Variants in CELSR1 observed in about 807,000 individuals in gnomAD.
CELSR1 encodes adhesion G protein-coupled receptor C1.
A neutral mutation model predicts 249.1 loss-of-function variants in CELSR1; 110 were observed. That is an observed-to-expected ratio of 0.44 (90% confidence interval 0.38 to 0.52). The LOEUF (loss-of-function observed/expected upper bound fraction) is 0.52, where lower values mean the gene tolerates loss of function less well. Ranked by LOEUF, CELSR1 falls within the 20% of genes least tolerant of loss-of-function variation. The pLI, the probability that CELSR1 is intolerant of heterozygous loss-of-function variation, is 0.00. For synonymous variants in CELSR1, 2,113 were observed against 1,900.0 expected (o/e 1.11, Z -2.92); for missense variants, 4,109 against 4,296.4 (o/e 0.96, Z 1.22).
rs12159573 is a variant in CELSR1 at position 46,445,972 on chromosome 22, G to T, written c.4184-6561C>A. Among the ~76,000 whole-genome samples the T allele has an allele frequency of 4.6e-5, 7 of 151,938 alleles. No individual in the cohort carries two copies. The highest frequency in any genetic ancestry group is 1.5e-4 in the African/African-American group (6 of 41,322). On this transcript the variant is annotated intron_variant, in intron 2 of 34. Coordinates refer to ENST00000674500, the MANE Select transcript of CELSR1 (RefSeq NM_001378328.1). The surrounding 1 kb of genome is among the most constrained non-coding windows in gnomAD (Gnocchi z 4.4). ...TCGCCTCGCGGCCCCTGCTCCTGCCGCACAGCCTCCAGACCTACTTGTCCC... is the reference window on the plus strand; with the variant it reads ...TCGCCTCGCGGCCCCTGCTCCTGCCTCACAGCCTCCAGACCTACTTGTCCC...
Position 46,398,156 on chromosome 22 carries a change from C to T in CELSR1, c.5527-308G>A, listed in dbSNP as rs2079171561. Among the ~76,000 whole-genome samples the T allele has an allele frequency of 6.6e-6, 1 of 152,004 alleles. No homozygotes were observed. The highest frequency in any genetic ancestry group is 6.6e-5 in the Admixed American group (1 of 15,264). On this transcript the variant is annotated intron_variant, in intron 11 of 34. Coordinates refer to ENST00000674500, the MANE Select transcript of CELSR1 (RefSeq NM_001378328.1). The surrounding 1 kb of genome is among the most constrained non-coding windows in gnomAD (Gnocchi z 7.2). ...GAACGACTCAGAGCAGCTCCCTCGG[C>T]CGTAGCTGGAACCCCTGGCTCCAGG...
At position 46,464,459 on chromosome 22, in the gene CELSR1, G is replaced by T; in HGVS notation, c.3545-114C>A. 9.2e-7 allele frequency: 1 copy of T among 1,092,734 alleles called. No individual in the cohort carries two copies. Among genetic ancestry groups the T allele is most frequent in the Non-Finnish European group, 1.3e-6 (1 of 771,476 alleles). The allele number at this position is 1,092,734 out of a possible 1,614,324, so 67.7% of individuals were successfully genotyped here. On this transcript the variant is annotated intron_variant, in intron 1 of 34. Coordinates refer to ENST00000674500, the MANE Select transcript of CELSR1 (RefSeq NM_001378328.1). This position sits in a 1 kb window ranked among gnomAD's most constrained non-coding sequence, Gnocchi z 8.5. ...CTTGGCAAAGGAGAAGAGAGCCTGG[G>T]CATCCCCACTCCCCATTCCCCACCC...
intron 12 of CELSR1, among the ~76,000 whole-genome samples, chr22:46,397,227 C>T (rs1488114739): frequency 2.0e-5 from 3 of 151,810 alleles, no homozygotes; most frequent in Non-Finnish European, 1.5e-5. Flanking sequence ...CCTCAGCCTC[C>T]CACGTAGCTA....
chr22:46,481,107 T>C (rs2080261273), intron 1 of CELSR1, among the ~76,000 whole-genome samples: 1 of 152,192 alleles, frequency 6.6e-6, no homozygotes, highest in East Asian at 1.9e-4. Context: ...TGGTGGTGCA[T>C]GCCTGTAGTC....
chr22:46,523,345 G>A (rs2080704366), intron 1 of CELSR1, among the ~76,000 whole-genome samples: 1 of 151,918 alleles, frequency 6.6e-6, no homozygotes, highest in Admixed American at 6.6e-5. Flanking sequence ...CCTGGCCAAA[G>A]TGGTGAAACC....
rs1050550263 is a variant in CELSR1, at chr22:46,526,010, T to G, written c.3544+7617A>C. 6.6e-6 allele frequency among the ~76,000 whole-genome samples: 1 copy of G among 152,232 alleles called. No homozygotes were observed. The highest frequency in any genetic ancestry group is 2.4e-5 in the African/African-American group (1 of 41,466). ...CTGCCTGCTACTTCACCTAGACTTT[T>G]AAAAATGGTCTCTCAACACCCTGGT... On this transcript the variant is annotated intron_variant, in intron 1 of 34. Transcript: ENST00000674500. The surrounding 1 kb of genome is among the most constrained non-coding windows in gnomAD (Gnocchi z 4.7).
rs1327367101 is a variant in CELSR1 at position 46,527,977 on chromosome 22, C to T, written c.3544+5650G>A. On this transcript the variant is annotated intron_variant, in intron 1 of 34. Transcript: ENST00000674500. This position sits in a 1 kb window ranked among gnomAD's most constrained non-coding sequence, Gnocchi z 5.5. ...AGGCATGATGGCGGGTACCTATAAT[C>T]CCAGCTACTTGGGAAGCTGAGGCAG... 2.6e-5 allele frequency among the ~76,000 whole-genome samples: 4 copies of T among 152,004 alleles called. No individual in the cohort carries two copies. Among genetic ancestry groups the T allele is most frequent in the Non-Finnish European group, 5.9e-5 (4 of 68,002 alleles).
intron 1 of CELSR1, among the ~76,000 whole-genome samples, chr22:46,507,731 C>A (rs1045061157): frequency 1.3e-5 from 2 of 152,124 alleles, no homozygotes; most frequent in African/African-American, 4.8e-5. Flanking sequence ...CGAAGCCCCG[C>A]CCCTAGAGTA....
chr22:46,391,179 G>T lies in CELSR1; in HGVS notation c.6250+7C>A. The T allele has an allele frequency of 1.2e-6, 2 of 1,609,716 alleles. No individual in the cohort carries two copies. The highest frequency in any genetic ancestry group is 2.2e-5 in the South Asian group (2 of 90,878). The stretch of plus-strand genomic sequence containing the variant: ...CAGTTCCCTACACACAGGCCACGGC[G>T]ACTCACCAACGGATCCCTTAGGGCA... On this transcript the variant is annotated splice_region_variant and intron_variant, in intron 16 of 34. Transcript: ENST00000674500. This position sits in a 1 kb window ranked among gnomAD's most constrained non-coding sequence, Gnocchi z 4.3.
intron 5 of CELSR1, among the ~76,000 whole-genome samples, chr22:46,421,011 G>C (rs554611823): frequency 1.2e-4 from 18 of 152,276 alleles, no homozygotes; most frequent in African/African-American, 3.1e-4. Context: ...AGAGATGCTG[G>C]GTCCATGGCT....
rs1200603998 is a variant in CELSR1, at chr22:46,365,256, C to T, written c.8529G>A (p.Arg2843=). The change falls in exon 32 of 35, where the codon AGG becomes AGA. Residue 2843 remains arginine (R), a synonymous_variant. Transcript: ENST00000674500. The part of the protein sequence containing the change: ...VGAEEKWDPA[R]GAVHSTPKGD... ...CTTTGGGGGTGCTGTGGACGGCGCC[C>T]CTGGCCGGGTCCCATTTTTCCTCAG... is the stretch of plus-strand genomic sequence containing the variant. 1.2e-6 allele frequency: 2 copies of T among 1,612,434 alleles called. No individual in the cohort carries two copies. Among genetic ancestry groups the T allele is most frequent in the East Asian group, 2.2e-5 (1 of 44,884 alleles).
intron 2 of CELSR1, among the ~76,000 whole-genome samples, chr22:46,452,124 C>T (rs6008835): frequency 0.048 from 7,300 of 152,188 alleles, 576 homozygotes; most frequent in African/African-American, 0.16. Context: ...TTATTTTCAG[C>T]GCCCCGGTTT....
chr22:46,481,926 C>A (rs2080270550), intron 1 of CELSR1, among the ~76,000 whole-genome samples: 1 of 152,098 alleles, frequency 6.6e-6, no homozygotes, highest in Non-Finnish European at 1.5e-5. Flanking sequence ...GCATGTGCCA[C>A]CAAGCCTGGC....
At position 46,389,362 on chromosome 22, in the gene CELSR1, G is replaced by T; in HGVS notation, c.6483C>A (p.Gly2161=). 6.2e-7 allele frequency: 1 copy of T among 1,610,958 alleles called. No homozygotes were observed. Reference sequence around the variant, plus strand: ...GCCAGCTCTCGTGCTGAAGGACGTGGCCCAGCAGCTGGTAGGCCGTGCGCA... The same window carrying T: ...GCCAGCTCTCGTGCTGAAGGACGTGTCCCAGCAGCTGGTAGGCCGTGCGCA... ...NDVRTAYQLL[G]HVLQHESWQQ... Residue 2161 remains glycine, a synonymous_variant, in exon 18 of 35, where the codon GGC becomes GGA. Transcript: ENST00000674500.
rs901937352 is a variant in CELSR1, at chr22:46,448,862, C to T, written c.4184-9451G>A. Among the ~76,000 whole-genome samples, 2 of 152,142 alleles carry T rather than the reference C, an allele frequency of 1.3e-5. No homozygotes were observed. Among genetic ancestry groups the T allele is most frequent in the African/African-American group, 4.8e-5 (2 of 41,416 alleles). On this transcript the variant is annotated intron_variant, in intron 2 of 34. Transcript: ENST00000674500. This position sits in a 1 kb window ranked among gnomAD's most constrained non-coding sequence, Gnocchi z 5.7. ...CAGTCTTGAAGACACAACCCAACAG[C>T]GTGGCTCATGTGTCAGAAACTTCAC...
chr22:46,422,360 G>C (rs561314133), intron 5 of CELSR1, among the ~76,000 whole-genome samples: 2 of 151,852 alleles, frequency 1.3e-5, no homozygotes, highest in African/African-American at 4.8e-5. Context: ...TGCCTGCCTC[G>C]GCCTCCCAAA....
chr22:46,398,196 C>A lies in CELSR1; in HGVS notation c.5526+328G>T, dbSNP rs549680716. ...CTGGCTCCAGGGGACAGGCACGGGGCCCACTTGGGTGACGTCTGTGGTTGG... is the reference window on the plus strand; with the variant it reads ...CTGGCTCCAGGGGACAGGCACGGGGACCACTTGGGTGACGTCTGTGGTTGG... On this transcript the variant is annotated intron_variant, in intron 11 of 34. Transcript: ENST00000674500. This position sits in a 1 kb window ranked among gnomAD's most constrained non-coding sequence, Gnocchi z 7.2. Among the ~76,000 whole-genome samples the A allele has an allele frequency of 6.9e-4, 105 of 152,182 alleles. 1 individual carries two copies. In the South Asian group the frequency reaches 0.02, roughly 29 times the overall value.
Position 46,364,573 on chromosome 22 carries a change from C to G in CELSR1, c.8718G>C (p.Pro2906=), listed in dbSNP as rs147302444. ...TGGCTGCGCCCCCGCTCTCCTGGTC[C>G]GGGGGGTACTCTCCACGGTGACTGC... ...EQGSHRGEYP[P]DQESGGAARL... Residue 2906 remains proline (P), a synonymous_variant, in exon 33 of 35, where the codon CCG becomes CCC. Coordinates refer to ENST00000674500, the MANE Select transcript of CELSR1 (RefSeq NM_001378328.1). The G allele has an allele frequency of 2.4e-5, 38 of 1,612,534 alleles. No individual in the cohort carries two copies. The highest frequency in any genetic ancestry group is 2.0e-4 in the Admixed American group (12 of 60,016).
chr22:46,461,082 G>T (rs898029923), intron 2 of CELSR1, among the ~76,000 whole-genome samples: 3 of 152,062 alleles, frequency 2.0e-5, no homozygotes, highest in Non-Finnish European at 2.9e-5. Context: ...CCCCTCTGCC[G>T]ACAGCACCAC....
Sources: gnomAD v4.1 joint callset for allele counts (sites outside exome capture counted in the v4.1 genomes callset) on GRCh38, gnomAD v4.1.1 for gene constraint, Gnocchi (gnomAD v3.1) non-coding constraint, MANE v1.5 for transcripts, NCBI Gene and HGNC (gene_info 2026-07-23, HGNC 2026-07-21) for gene names.